The following PCDH9 variants were observed in gnomAD, a reference collection of about 807,000 sequenced individuals.
PCDH9 encodes the protein protocadherin-9.
PCDH9 carries 24 observed loss-of-function variants against 70.6 expected under a neutral mutation model. The ratio of observed to expected loss-of-function variants is 0.34; its 90% CI spans 0.25 to 0.48. PCDH9 has a LOEUF of 0.48. Among genes scored for constraint, PCDH9 ranks in the 20% least tolerant of loss-of-function variants. The probability of loss-of-function intolerance (pLI) is 0.99; values close to 1 mark genes in which losing one functional copy is unlikely to be tolerated. For synonymous variants in PCDH9, 562 were observed against 558.5 expected (o/e 1.01, Z -0.09); for missense variants, 1,281 against 1,503.6 (o/e 0.85, Z 2.45).
chr13:66,892,232 A>C (rs561565795), intron 3 of PCDH9, among the ~76,000 whole-genome samples: 2 of 147,888 alleles, frequency 1.4e-5, no homozygotes, highest in South Asian at 4.2e-4. Context: ...TATATATATA[A>C]TGTGTGTGTG....
At chr13:67,144,434 G>C (rs2087471520) in intron 2 of PCDH9, among the ~76,000 whole-genome samples, 1 of 152,100 alleles carries the variant, frequency 6.6e-6, no homozygotes, top group African/African-American at 2.4e-5. Context: ...ATAAAGTCCA[G>C]TGTCTATTAA....
intron 4 of PCDH9, among the ~76,000 whole-genome samples, chr13:66,620,189 C>G (rs753101000): frequency 3.4e-4 from 52 of 152,138 alleles, no homozygotes; most frequent in Non-Finnish European, 6.5e-4. Flanking sequence ...TGGGCCCAAC[C>G]TATGTCTCAA....
intron 2 of PCDH9, among the ~76,000 whole-genome samples, chr13:67,176,451 CT>C (rs2088459347): frequency 2.0e-5 from 3 of 151,958 alleles, no homozygotes; most frequent in African/African-American, 7.2e-5. Context: ...GTTAAGGTTT[CT>C]GGCTAAAATC....
intron 3 of PCDH9, among the ~76,000 whole-genome samples, chr13:66,689,638 C>A (rs1479821811): frequency 6.6e-6 from 1 of 152,160 alleles, no homozygotes; most frequent in Non-Finnish European, 1.5e-5. Context: ...ATTGACAGAG[C>A]CTACAGCTAT....
chr13:66,350,833 C>T (rs1296066385), intron 4 of PCDH9, among the ~76,000 whole-genome samples: 2 of 152,180 alleles, frequency 1.3e-5, no homozygotes, highest in Non-Finnish European at 2.9e-5. Flanking sequence ...GAATCAGAAT[C>T]TCTCACAATT....
At chr13:66,467,079 G>A (rs1448059692) in intron 4 of PCDH9, among the ~76,000 whole-genome samples, 2 of 152,022 alleles carry the variant, frequency 1.3e-5, no homozygotes, top group Non-Finnish European at 2.9e-5. Flanking sequence ...TGGGGAAGTA[G>A]CTTTTTCTTT....
chr13:66,912,555 T>C (rs1257038734), intron 2 of PCDH9, among the ~76,000 whole-genome samples: 3 of 152,108 alleles, frequency 2.0e-5, no homozygotes, highest in Non-Finnish European at 4.4e-5. Context: ...TGCTTATGAA[T>C]ACATGTTTTA....
chr13:67,228,037 G>C lies in PCDH9; in HGVS notation c.404C>G (p.Thr135Ser). 2 of 1,613,836 alleles carry C rather than the reference G, an allele frequency of 1.2e-6. 1 individual carries two copies. Among genetic ancestry groups the C allele is most frequent in the African/African-American group, 2.7e-5 (2 of 75,028 alleles). ...TGGAAACATGGGGGCATTATCATTG[G>C]TATCCTTGACAATTATTTTTATTTT... The part of the protein sequence containing the change: ...LIKIKIIVKD[T>S]NDNAPMFPSP... Residue 135 changes from threonine to serine, a missense_variant, in exon 2 of 5, where the codon ACC (threonine) becomes AGC (serine). Thr to Ser is a moderately conservative substitution (Grantham distance 58). Coordinates refer to ENST00000377865, the MANE Select transcript of PCDH9 (RefSeq NM_203487.3).
At chr13:67,050,214 T>A (rs534095730) in intron 2 of PCDH9, among the ~76,000 whole-genome samples, 75 of 152,356 alleles carry the variant, frequency 4.9e-4, no homozygotes, top group Non-Finnish European at 6.3e-4. Context: ...AATGATCTGA[T>A]AGCATTTATT....
At chr13:66,577,875 T>C (rs2076836704) in intron 4 of PCDH9, among the ~76,000 whole-genome samples, 1 of 152,006 alleles carries the variant, frequency 6.6e-6, no homozygotes, top group Non-Finnish European at 1.5e-5. Context: ...GACACATAAC[T>C]GTAAGCTCAG....
At chr13:66,615,725 T>C (rs1473698818) in intron 4 of PCDH9, among the ~76,000 whole-genome samples, 1 of 152,222 alleles carries the variant, frequency 6.6e-6, no homozygotes, top group Admixed American at 6.5e-5. Context: ...GAAGCAACTT[T>C]TTTGACTTTT....
intron 2 of PCDH9, among the ~76,000 whole-genome samples, chr13:67,152,274 T>G (rs1594582065): frequency 6.6e-6 from 1 of 152,216 alleles, no homozygotes; most frequent in Non-Finnish European, 1.5e-5. Flanking sequence ...GCTCCATGCC[T>G]GATACAATTT....
chr13:66,855,611 AAT>A (rs147406070), intron 3 of PCDH9, among the ~76,000 whole-genome samples: 3 of 151,414 alleles, frequency 2.0e-5, no homozygotes, highest in Non-Finnish European at 3.0e-5. Context: ...TATGTTAAAG[AAT>A]ATATATATAT....
intron 4 of PCDH9, among the ~76,000 whole-genome samples, chr13:66,311,277 C>A (rs1955554766): frequency 6.6e-6 from 1 of 151,872 alleles, no homozygotes; most frequent in Non-Finnish European, 1.5e-5. Context: ...TTTAGTATCT[C>A]CAGAATACTA....
intron 3 of PCDH9, among the ~76,000 whole-genome samples, chr13:66,880,422 G>C (rs1454176752): frequency 6.6e-6 from 1 of 152,048 alleles, no homozygotes; most frequent in African/African-American, 2.4e-5. Context: ...CAAATGGGAT[G>C]GTCTATTCTT....
At chr13:66,474,892 A>G (rs1188319766) in intron 4 of PCDH9, among the ~76,000 whole-genome samples, 1 of 152,062 alleles carries the variant, frequency 6.6e-6, no homozygotes, top group East Asian at 1.9e-4. Context: ...GGAGCAGAAG[A>G]CATTACCTAG....
At chr13:66,699,086 T>C (rs1392017130) in intron 3 of PCDH9, among the ~76,000 whole-genome samples, 1 of 151,834 alleles carries the variant, frequency 6.6e-6, no homozygotes, top group Non-Finnish European at 1.5e-5. Context: ...GGCTAATTTT[T>C]GTATTTTTGT....
At chr13:66,309,839 G>T (rs1376092580) in intron 4 of PCDH9, among the ~76,000 whole-genome samples, 1 of 151,498 alleles carries the variant, frequency 6.6e-6, no homozygotes, top group Non-Finnish European at 1.5e-5. Context: ...GTAATCATGT[G>T]CATCTGTGTT....
chr13:66,843,553 A>T (rs1439098514), intron 3 of PCDH9, among the ~76,000 whole-genome samples: 2 of 152,244 alleles, frequency 1.3e-5, no homozygotes, highest in Admixed American at 6.5e-5. Context: ...CTTCACCTTC[A>T]GTCTCTGAAT....
Sources: gnomAD v4.1 joint callset for allele counts (sites outside exome capture counted in the v4.1 genomes callset) on GRCh38, gnomAD v4.1.1 for gene constraint, MANE v1.5 for transcripts, NCBI Gene and HGNC (gene_info 2026-07-23, HGNC 2026-07-21) for gene names.